The following NOTCH2NLC variants were observed in gnomAD, a reference collection of about 807,000 sequenced individuals.
The protein encoded by NOTCH2NLC is notch 2 N-terminal like C, also known as notch homolog 2 N-terminal-like protein C.
In NOTCH2NLC, 4 loss-of-function variants were observed where a neutral mutation model predicts 17.7. That is an observed-to-expected ratio of 0.23 (90% CI 0.11 to 0.52). NOTCH2NLC has a LOEUF of 0.52. NOTCH2NLC is among the 20% of genes least tolerant of loss of function. The pLI is 0.96. For synonymous variants in NOTCH2NLC, 18 were observed against 86.0 expected (o/e 0.21, Z 4.38); for missense variants, 57 against 207.2 (o/e 0.28, Z 4.45).
At chr1:149,439,676 TTTG>T (rs2084503919) in intron 2 of NOTCH2NLC, among the ~76,000 whole-genome samples, 2 of 142,116 alleles carry the variant, frequency 1.4e-5, no homozygotes, top group Admixed American at 7.1e-5. Flanking sequence ...TGTTATGCAT[TTTG>T]TTTTCATATT....
intron 1 of NOTCH2NLC, among the ~76,000 whole-genome samples, chr1:149,401,779 C>A (rs1231188693): frequency 3.9e-5 from 3 of 77,486 alleles, no homozygotes; most frequent in East Asian, 3.3e-4. Flanking sequence ...CATTTCAAAC[C>A]AGTAGCCTTC....
chr1:149,417,299 G>A (rs1476305313), intron 1 of NOTCH2NLC, among the ~76,000 whole-genome samples: 4 of 150,266 alleles, frequency 2.7e-5, no homozygotes, highest in Non-Finnish European at 4.5e-5. Context: ...CAGTAGAGAC[G>A]GGGTTTCACC....
At chr1:149,441,055 C>A (rs2084516529) in intron 2 of NOTCH2NLC, among the ~76,000 whole-genome samples, 1 of 150,330 alleles carries the variant, frequency 6.7e-6, no homozygotes. Flanking sequence ...AGGCGGTAGG[C>A]TTGTGGCCAT....
chr1:149,448,653 A>C (rs2084569047), intron 2 of NOTCH2NLC, among the ~76,000 whole-genome samples: 1 of 151,006 alleles, frequency 6.6e-6, no homozygotes, highest in African/African-American at 2.4e-5. Context: ...ACTTACTCTG[A>C]AATAGTAAAA....
chr1:149,454,569 G>T (rs2084605525), intron 2 of NOTCH2NLC, among the ~76,000 whole-genome samples: 1 of 150,302 alleles, frequency 6.7e-6, no homozygotes, highest in Admixed American at 6.6e-5. Flanking sequence ...TCACTTTGGT[G>T]TTTATATGGT....
intron 1 of NOTCH2NLC, among the ~76,000 whole-genome samples, chr1:149,421,356 G>A (rs1425956068): frequency 2.7e-5 from 4 of 149,724 alleles, no homozygotes; most frequent in African/African-American, 4.9e-5. Context: ...AAAATTAGCC[G>A]GATATGGTGG....
rs2084719071 is a variant in NOTCH2NLC, at chr1:149,471,422, A to G, written c.*7269A>G. Among the ~76,000 whole-genome samples the G allele has an allele frequency of 6.7e-6, 1 of 150,018 alleles. No individual in the cohort carries two copies. On this transcript the variant is annotated 3_prime_UTR_variant, in exon 5 of 5. Coordinates refer to ENST00000650865, the MANE Select transcript of NOTCH2NLC (RefSeq NM_001364013.2). ...CACATTACAAAGATTTACTACTTCT[A>G]AGTGATTTATAATTTTACCACCTAC...
At chr1:149,420,182 A>G (rs2084371655) in intron 1 of NOTCH2NLC, among the ~76,000 whole-genome samples, 1 of 149,772 alleles carries the variant, frequency 6.7e-6, no homozygotes, top group African/African-American at 2.5e-5. Context: ...TTAGGGCTAT[A>G]TTTTATGTTT....
intron 1 of NOTCH2NLC, among the ~76,000 whole-genome samples, chr1:149,398,214 G>A: frequency 6.6e-6 from 1 of 150,740 alleles, no homozygotes; most frequent in East Asian, 2.0e-4. Context: ...CTCTTTCTTT[G>A]TTGTAATTTA....
At chr1:149,449,239 A>T (rs1463296736) in intron 2 of NOTCH2NLC, among the ~76,000 whole-genome samples, 1 of 151,114 alleles carries the variant, frequency 6.6e-6, no homozygotes, top group Admixed American at 6.6e-5. Context: ...AATGGAGATT[A>T]TAATACGGCA....
At chr1:149,455,042 G>A (rs1282903763) in intron 2 of NOTCH2NLC, among the ~76,000 whole-genome samples, 37 of 120,606 alleles carry the variant, frequency 3.1e-4, no homozygotes, top group South Asian at 1.3e-3. Flanking sequence ...TGCATTTTGC[G>A]TTTGAATAAG....
At chr1:149,401,809 C>G (rs1279820700) in intron 1 of NOTCH2NLC, among the ~76,000 whole-genome samples, 1 of 84,242 alleles carries the variant, frequency 1.2e-5, no homozygotes, top group Non-Finnish European at 2.4e-5. Flanking sequence ...CTCAACATTT[C>G]TCTGCCTCAG....
At chr1:149,460,906 T>C (rs1198845905) in intron 3 of NOTCH2NLC, among the ~76,000 whole-genome samples, 10 of 114,368 alleles carry the variant, frequency 8.7e-5, no homozygotes, top group Non-Finnish European at 1.6e-4. Context: ...TTTCTTTCTT[T>C]CTTTCTTTCT....
chr1:149,462,981 G>A (rs1349034163), intron 3 of NOTCH2NLC, among the ~76,000 whole-genome samples: 2 of 146,538 alleles, frequency 1.4e-5, no homozygotes, highest in Non-Finnish European at 3.1e-5. Context: ...GATTACAGGT[G>A]CGCGCCACCA....
intron 2 of NOTCH2NLC, among the ~76,000 whole-genome samples, chr1:149,440,388 A>AG (rs2084510453): frequency 7.4e-6 from 1 of 134,786 alleles, no homozygotes; most frequent in South Asian, 2.5e-4. Context: ...ACGTACCCAG[A>AG]GACTGTCTGA....
At chr1:149,420,427 C>A (rs1424322989) in intron 1 of NOTCH2NLC, among the ~76,000 whole-genome samples, 1 of 140,014 alleles carries the variant, frequency 7.1e-6, no homozygotes, top group East Asian at 2.2e-4. Context: ...ACATATGTAA[C>A]AAACCTGCAC....
intron 2 of NOTCH2NLC, among the ~76,000 whole-genome samples, chr1:149,432,566 G>A (rs1474823575): frequency 6.6e-6 from 1 of 150,958 alleles, no homozygotes; most frequent in African/African-American, 2.4e-5. Flanking sequence ...CTGAAATCTT[G>A]TTTAGTCTTT....
chr1:149,399,100 T>G (rs1488406149), intron 1 of NOTCH2NLC, among the ~76,000 whole-genome samples: 1 of 150,840 alleles, frequency 6.6e-6, no homozygotes, highest in Admixed American at 6.6e-5. Flanking sequence ...AGCATTCCTT[T>G]AAAATACAGT....
In NOTCH2NLC at chr1:149,423,249, G is replaced by GT. The variant is rs1233587636; in HGVS notation, c.136-7683dup. Among the ~76,000 whole-genome samples the GT allele has an allele frequency of 4.0e-3, 588 of 146,350 alleles. 11 individuals are homozygous for GT. Among genetic ancestry groups the GT allele is most frequent in the East Asian group, 0.015 (76 of 4,948 alleles). On this transcript the variant is annotated intron_variant, in intron 1 of 4. Transcript: ENST00000650865. ...TTTATCTCTTATTGCTTTTTTTTGGGTTTTTTTTTTCCTTTTAATCAAGAC... is the reference window on the plus strand; with the variant it reads ...TTTATCTCTTATTGCTTTTTTTTGGGTTTTTTTTTTTCCTTTTAATCAAGAC...
Sources: gnomAD v4.1 joint callset for allele counts (sites outside exome capture counted in the v4.1 genomes callset) on GRCh38, gnomAD v4.1.1 for gene constraint, MANE v1.5 for transcripts, NCBI Gene and HGNC (gene_info 2026-07-23, HGNC 2026-07-21) for gene names.